The following TENM3 variants were observed in gnomAD, a reference collection of about 807,000 sequenced individuals.
The protein encoded by TENM3 is teneurin transmembrane protein 3.
Under a neutral mutation model 255.1 loss-of-function variants are expected in TENM3, and 63 were observed. The ratio of observed to expected loss-of-function variants is 0.25; its 90% CI spans 0.20 to 0.30. TENM3 has a LOEUF of 0.30. Ranked by LOEUF, TENM3 falls within the 10% of genes least tolerant of loss-of-function variation. TENM3 has a pLI of 1.00. For synonymous variants in TENM3, 1,306 were observed against 1,322.3 expected, an observed-to-expected ratio of 0.99 and a Z score of 0.27; for missense variants, 2,929 against 3,461.1, an observed-to-expected ratio of 0.85 and a Z score of 3.86.
At chr4:181,785,913 T>A in the TENM3 span, among the ~76,000 whole-genome samples, 6 of 152,106 alleles carry the variant, frequency 3.9e-5, no homozygotes, top group African/African-American at 1.4e-4. Flanking sequence ...GAGCAACAAT[T>A]TGCCTTAACA....
At chr4:181,519,962 A>G in the TENM3 span, among the ~76,000 whole-genome samples, 1 of 152,348 alleles carries the variant, frequency 6.6e-6, no homozygotes, top group Non-Finnish European at 1.5e-5. Context: ...AGAATTGCTC[A>G]AGTCAGAATT....
chr4:182,248,570 C>T (rs1288578510), intron 1 of TENM3, among the ~76,000 whole-genome samples: 5 of 152,114 alleles, frequency 3.3e-5, no homozygotes, highest in Admixed American at 1.3e-4. Context: ...ATACTCAGTA[C>T]CTGAAATAAG....
At chr4:181,939,193 T>C in the TENM3 span, among the ~76,000 whole-genome samples, 4 of 152,212 alleles carry the variant, frequency 2.6e-5, no homozygotes, top group African/African-American at 9.6e-5. Flanking sequence ...CTTATTATTA[T>C]TGTTCTATAC....
chr4:181,620,364 G>A, the TENM3 span, among the ~76,000 whole-genome samples: 23 of 152,078 alleles, frequency 1.5e-4, no homozygotes, highest in Admixed American at 1.2e-3. Context: ...ACCCAAATTC[G>A]CACACACTCC....
At chr4:181,456,378 A>G in the TENM3 span, among the ~76,000 whole-genome samples, 12 of 151,792 alleles carry the variant, frequency 7.9e-5, no homozygotes, top group Admixed American at 2.6e-4. Context: ...ATTTGTTCTG[A>G]TGTTGACATA....
the TENM3 span, among the ~76,000 whole-genome samples, chr4:181,620,822 T>C: frequency 6.6e-6 from 1 of 152,160 alleles, no homozygotes; most frequent in Non-Finnish European, 1.5e-5. Context: ...TTTCTGTAAA[T>C]GTGAACTGTT....
intron 3 of TENM3, among the ~76,000 whole-genome samples, chr4:182,399,662 C>T (rs950282224): frequency 3.3e-5 from 5 of 152,212 alleles, no homozygotes; most frequent in Admixed American, 6.5e-5. Context: ...TTGAGCTGTA[C>T]AACGCACTGC....
chr4:181,888,494 G>GTATATATATGTATATATATATA, the TENM3 span, among the ~76,000 whole-genome samples: 84 of 28,200 alleles, frequency 3.0e-3, 2 homozygotes, highest in Middle Eastern at 0.026. Flanking sequence ...ATAGAAATGT[G>GTATATATATGTATATATATATA]TATATATATA....
rs1484383969 is a variant in TENM3, at chr4:182,218,322, A to C, written c.-76+73568A>C. Among the ~76,000 whole-genome samples, 3 of 152,218 alleles carry C rather than the reference A, an allele frequency of 2.0e-5. No individual in the cohort carries two copies. In the East Asian group the frequency reaches 5.8e-4, roughly 29 times the overall value. On this transcript the variant is annotated intron_variant, in intron 1 of 2. Coordinates refer to the TENM3 transcript ENST00000512480. ...TCCTTGGTCTCTGGTGAATCCCGTA[A>C]TCTTCTAGAGATATTTTAACAGGAA...
chr4:182,385,444 T>C (rs1341250995), intron 3 of TENM3, among the ~76,000 whole-genome samples: 1 of 151,982 alleles, frequency 6.6e-6, no homozygotes, highest in Non-Finnish European at 1.5e-5. Flanking sequence ...TTTGTATTTT[T>C]AGTAGAGACA....
intron 1 of TENM3, among the ~76,000 whole-genome samples, chr4:182,263,633 CT>C (rs1180719619): frequency 2.0e-5 from 3 of 152,112 alleles, no homozygotes; most frequent in Admixed American, 2.0e-4. Flanking sequence ...GCCGCCTAAA[CT>C]TTTCAGTGTT....
the TENM3 span, among the ~76,000 whole-genome samples, chr4:182,022,059 A>G: frequency 6.6e-6 from 1 of 152,224 alleles, no homozygotes; most frequent in African/African-American, 2.4e-5. Flanking sequence ...CACAGGAAAT[A>G]GATTGTTCCA....
At chr4:182,606,379 C>CCAGG (rs1270262967) in intron 4 of TENM3, among the ~76,000 whole-genome samples, 1 of 151,884 alleles carries the variant, frequency 6.6e-6, no homozygotes, top group African/African-American at 2.4e-5. Flanking sequence ...CAAAAATTAG[C>CCAGG]CAGGCGGGGT....
chr4:182,605,545 C>G (rs1287086194), intron 4 of TENM3, among the ~76,000 whole-genome samples: 3 of 148,374 alleles, frequency 2.0e-5, no homozygotes, highest in Non-Finnish European at 4.5e-5. Context: ...AGTAAAAAAT[C>G]ACTTGGATTC....
the TENM3 span, among the ~76,000 whole-genome samples, chr4:181,562,905 C>T: frequency 6.6e-6 from 1 of 152,244 alleles, no homozygotes; most frequent in East Asian, 1.9e-4. Flanking sequence ...GAATTTCTGA[C>T]ATCAGGTGAT....
At chr4:182,009,843 C>T in the TENM3 span, among the ~76,000 whole-genome samples, 25 of 152,180 alleles carry the variant, frequency 1.6e-4, no homozygotes, top group Non-Finnish European at 3.2e-4. Flanking sequence ...CCTGGGTTCG[C>T]GAGTAGGATC....
chr4:181,931,114 A>G, the TENM3 span, among the ~76,000 whole-genome samples: 10 of 152,112 alleles, frequency 6.6e-5, no homozygotes, highest in African/African-American at 2.2e-4. Flanking sequence ...ACAAGACAAG[A>G]ATGCCCTCTC....
At chr4:181,576,671 G>A in the TENM3 span, among the ~76,000 whole-genome samples, 3 of 152,024 alleles carry the variant, frequency 2.0e-5, no homozygotes, top group Admixed American at 2.0e-4. Flanking sequence ...GCGTATGTAA[G>A]GGAAAGTCAC....
At chr4:182,157,772 G>A (rs952115929) in intron 1 of TENM3, among the ~76,000 whole-genome samples, 6 of 152,170 alleles carry the variant, frequency 3.9e-5, no homozygotes, top group African/African-American at 1.2e-4. Flanking sequence ...GGAGAGGTAA[G>A]GGCGTTCCAG....
Sources: allele counts gnomAD v4.1 joint callset (sites outside exome capture counted in the v4.1 genomes callset), GRCh38; gene constraint gnomAD v4.1.1; transcripts MANE v1.5; gene names NCBI Gene and HGNC (gene_info 2026-07-23, HGNC 2026-07-21).